Variants in CREM observed in about 807,000 individuals in gnomAD.
CREM encodes cAMP responsive element modulator, also known as cAMP-responsive element modulator.
CREM carries 13 observed loss-of-function variants against 37.3 expected under a neutral mutation model. The observed-to-expected ratio is 0.35, with a 90% CI of 0.23 to 0.55. CREM has a LOEUF of 0.55. Among genes scored for constraint, CREM ranks in the 20% least tolerant of loss-of-function variants. CREM has a pLI of 0.88. For synonymous variants in CREM, 124 were observed against 120.2 expected (o/e 1.03, Z -0.21); for missense variants, 296 against 362.3 (o/e 0.82, Z 1.49).
chr10:35,146,197 A>T (rs1025744350), intron 2 of CREM, among the ~76,000 whole-genome samples: 1 of 152,258 alleles, frequency 6.6e-6, no homozygotes, highest in African/African-American at 2.4e-5. Flanking sequence ...GTTGTTGCAG[A>T]ATCTTAAGAA....
chr10:35,196,049 T>C (rs779672651), intron 6 of CREM: 8 of 1,614,068 alleles, frequency 5.0e-6, no homozygotes, highest in Non-Finnish European at 5.9e-6. Context: ...AAACACGTCA[T>C]GAAACTGTAA....
At chr10:35,179,650 A>G (rs2094267642) in intron 5 of CREM, 2 of 181,340 alleles carry the variant, frequency 1.1e-5, no homozygotes, top group East Asian at 1.4e-4. Context: ...ATTACATACT[A>G]TTCTTACTAA....
At chr10:35,159,302 A>G (rs960777293) in intron 3 of CREM, among the ~76,000 whole-genome samples, 3 of 152,198 alleles carry the variant, frequency 2.0e-5, no homozygotes, top group Non-Finnish European at 4.4e-5. Flanking sequence ...AGCTGAAGGC[A>G]TCACACTACC....
chr10:35,209,127 T>A (rs1317029232), intron 7 of CREM, among the ~76,000 whole-genome samples: 1 of 152,190 alleles, frequency 6.6e-6, no homozygotes, highest in African/African-American at 2.4e-5. Flanking sequence ...TATACCAGCA[T>A]CAGGCATCTC....
chr10:35,194,531 T>C (rs778760785), intron 6 of CREM, among the ~76,000 whole-genome samples: 1 of 152,196 alleles, frequency 6.6e-6, no homozygotes, highest in Admixed American at 6.5e-5. Context: ...ACTTGCTCCA[T>C]TGGCACAGTG....
At chr10:35,135,743 AGAG>A (rs143690162) in intron 1 of CREM, among the ~76,000 whole-genome samples, 15 of 64,988 alleles carry the variant, frequency 2.3e-4, no homozygotes, top group South Asian at 6.1e-4. Context: ...AAAAAAAAAA[AGAG>A]AGACATTAAA....
intron 6 of CREM, chr10:35,195,744 A>G (rs2095130060): frequency 2.4e-6 from 1 of 410,276 alleles, no homozygotes; most frequent in Non-Finnish European, 4.5e-6. Flanking sequence ...TGTATTTAAA[A>G]TGGTCTGTTC....
At chr10:35,133,869 G>T (rs2089923116) in intron 1 of CREM, among the ~76,000 whole-genome samples, 1 of 152,222 alleles carries the variant, frequency 6.6e-6, no homozygotes, top group South Asian at 2.1e-4. Flanking sequence ...ACTGTGGTGG[G>T]CATTAGCTAT....
At chr10:35,166,152 A>G (rs952096571) in intron 3 of CREM, among the ~76,000 whole-genome samples, 3 of 152,242 alleles carry the variant, frequency 2.0e-5, no homozygotes, top group African/African-American at 7.2e-5. Context: ...TATAGAAATA[A>G]TAATCATACT....
intron 1 of CREM, among the ~76,000 whole-genome samples, chr10:35,127,976 G>T (rs776373126): frequency 5.9e-5 from 9 of 152,104 alleles, no homozygotes; most frequent in Non-Finnish European, 1.3e-4. Flanking sequence ...CTCCCGAGTA[G>T]CTGGGATTAC....
chr10:35,173,542 CTTA>C (rs1284965286), intron 3 of CREM, among the ~76,000 whole-genome samples: 1 of 152,066 alleles, frequency 6.6e-6, no homozygotes, highest in African/African-American at 2.4e-5. Flanking sequence ...GTAGCACATA[CTTA>C]TTATTTTAAA....
intron 2 of CREM, among the ~76,000 whole-genome samples, chr10:35,145,030 G>A (rs541702483): frequency 9.2e-5 from 14 of 151,796 alleles, no homozygotes; most frequent in Admixed American, 7.2e-4. Flanking sequence ...GTGTGGTGGC[G>A]CGTGCCTGTA....
At chr10:35,166,739 CAA>C (rs113123128) in intron 3 of CREM, among the ~76,000 whole-genome samples, 1 of 151,782 alleles carries the variant, frequency 6.6e-6, no homozygotes, top group African/African-American at 2.4e-5. Flanking sequence ...CAACTCAAAA[CAA>C]AAAACACCTT....
intron 2 of CREM, among the ~76,000 whole-genome samples, chr10:35,142,868 A>C (rs1344032465): frequency 6.6e-6 from 1 of 152,168 alleles, no homozygotes; most frequent in East Asian, 1.9e-4. Context: ...TTGGCCCCCC[A>C]GAGTGTTGGG....
chr10:35,133,364 A>G (rs1007154631), intron 1 of CREM, among the ~76,000 whole-genome samples: 1 of 150,968 alleles, frequency 6.6e-6, no homozygotes, highest in Non-Finnish European at 1.5e-5. Context: ...TTGGAGTGCA[A>G]TGGAGCAATC....
intron 3 of CREM, among the ~76,000 whole-genome samples, chr10:35,151,258 T>G (rs2092581182): frequency 6.6e-6 from 1 of 152,258 alleles, no homozygotes; most frequent in Admixed American, 6.5e-5. Flanking sequence ...TGTATGCTAA[T>G]AAATATTGAT....
At position 35,127,128 on chromosome 10, in the gene CREM, G is replaced by C. The variant is rs1373166275; in HGVS notation, c.-120G>C. 1 of 152,772 alleles carries C rather than the reference G, an allele frequency of 6.5e-6. No individual in the cohort carries two copies. The highest frequency in any genetic ancestry group is 1.5e-5 in the Non-Finnish European group (1 of 68,172). 9.5% of individuals were successfully genotyped at this position (152,772 alleles called of 1,614,324 possible). A position where few individuals can be genotyped will look rare whatever the true frequency, so the allele number is the denominator to read the frequency against. ...CCGCTGCTGAGCGGCGGTCGGGCTC[G>C]CCGTCTCCACCTCCTCGCGTCCGTA... is the stretch of plus-strand genomic sequence containing the variant. On this transcript the variant is annotated 5_prime_UTR_variant, in exon 1 of 8. Transcript: ENST00000685392.
intron 6 of CREM, among the ~76,000 whole-genome samples, chr10:35,206,682 T>G (rs2095532396): frequency 1.3e-5 from 2 of 152,234 alleles, no homozygotes; most frequent in Admixed American, 1.3e-4. Flanking sequence ...TTTTCTACCT[T>G]AAGTGTTTAG....
intron 5 of CREM, among the ~76,000 whole-genome samples, chr10:35,184,785 A>G (rs2094484365): frequency 6.7e-6 from 1 of 150,264 alleles, no homozygotes; most frequent in South Asian, 2.1e-4. Flanking sequence ...AAAAAAGGAA[A>G]CGAGTAAAGC....
Sources: allele counts gnomAD v4.1 joint callset (sites outside exome capture counted in the v4.1 genomes callset), GRCh38; gene constraint gnomAD v4.1.1; transcripts MANE v1.5; gene names NCBI Gene and HGNC (gene_info 2026-07-23, HGNC 2026-07-21).